The following DENND1A variants were observed in gnomAD, a reference collection of about 807,000 sequenced individuals.
The protein encoded by DENND1A is DENN domain containing 1A.
Under a neutral mutation model 113.7 loss-of-function variants are expected in DENND1A, and 51 were observed. The observed-to-expected ratio is 0.45, with a 90% CI of 0.36 to 0.57. The LOEUF (loss-of-function observed/expected upper bound fraction) is 0.57. Among genes scored for constraint, DENND1A ranks in the 20% least tolerant of loss-of-function variants. The pLI, the probability that DENND1A is intolerant of heterozygous loss-of-function variation, is 0.00. For missense variants in DENND1A, 1,258 were observed against 1,395.9 expected (o/e 0.90, Z 1.57); for synonymous variants, 565 against 570.8 (o/e 0.99, Z 0.14).
intron 13 of DENND1A, among the ~76,000 whole-genome samples, chr9:123,539,711 A>C (rs551849023): frequency 1.3e-3 from 204 of 152,120 alleles, no homozygotes; most frequent in African/African-American, 4.6e-3. Context: ...GTGAAACCCC[A>C]TCTCCACTAA....
chr9:123,731,719 GTTATGATT>G (rs1564157031), intron 5 of DENND1A, among the ~76,000 whole-genome samples: 1 of 152,158 alleles, frequency 6.6e-6, no homozygotes, highest in Non-Finnish European at 1.5e-5. Flanking sequence ...AGATTGATGT[GTTATGATT>G]TTATCAAAAT....
chr9:123,767,452 G>A (rs1399258336), intron 4 of DENND1A, among the ~76,000 whole-genome samples: 1 of 151,892 alleles, frequency 6.6e-6, no homozygotes, highest in Non-Finnish European at 1.5e-5. Flanking sequence ...ATAATTTGGA[G>A]AGAAGGATTC....
At chr9:123,425,641 T>G (rs1219108087) in intron 19 of DENND1A, among the ~76,000 whole-genome samples, 1 of 152,250 alleles carries the variant, frequency 6.6e-6, no homozygotes. Flanking sequence ...GGGCAGCTCG[T>G]CTGTGCCAGG....
At chr9:123,770,628 C>T (rs1829575966) in intron 3 of DENND1A, among the ~76,000 whole-genome samples, 1 of 152,264 alleles carries the variant, frequency 6.6e-6, no homozygotes, top group Admixed American at 6.5e-5. Context: ...AAAAGTATTC[C>T]TTTCATGCAC....
At chr9:123,751,283 A>T (rs2070001573) in intron 5 of DENND1A, 1 of 152,172 alleles carries the variant, frequency 6.6e-6, no homozygotes, top group Non-Finnish European at 1.5e-5. Context: ...CAGTCTTGAG[A>T]TCAGAAAGTG....
At chr9:123,891,111 T>G (rs1849837109) in intron 1 of DENND1A, among the ~76,000 whole-genome samples, 1 of 152,310 alleles carries the variant, frequency 6.6e-6, no homozygotes, top group South Asian at 2.1e-4. Flanking sequence ...CCTTGAGTAG[T>G]CCTTTGAGCC....
intron 5 of DENND1A, among the ~76,000 whole-genome samples, chr9:123,711,503 ATGTATATATG>A (rs2066604003): frequency 1.4e-5 from 1 of 72,314 alleles, no homozygotes; most frequent in African/African-American, 8.9e-5. Context: ...ATATATATAT[ATGTATATATG>A]TATATATATA....
At chr9:123,818,567 C>CATATATATAT (rs148656992) in intron 2 of DENND1A, among the ~76,000 whole-genome samples, 3 of 41,982 alleles carry the variant, frequency 7.1e-5, no homozygotes, top group African/African-American at 1.4e-4. Context: ...CACACACACA[C>CATATATATAT]ATATATATAT....
At chr9:123,667,654 G>T (rs1208908059) in intron 7 of DENND1A, among the ~76,000 whole-genome samples, 1 of 152,090 alleles carries the variant, frequency 6.6e-6, no homozygotes, top group Non-Finnish European at 1.5e-5. Context: ...AAGTTAAATG[G>T]CTAAACACAT....
In DENND1A at chr9:123,457,328, GA is replaced by G; in HGVS notation, c.1186+19del. On this transcript the variant is annotated intron_variant, in intron 15 of 23. Coordinates refer to ENST00000394215, the MANE Select transcript of DENND1A (RefSeq NM_001352964.2). ...TGATAGCAGCCTGCAGCCCCGGAAG[GA>G]AAATGAGTTGCTTCTCACCAGCGTA... The G allele has an allele frequency of 6.2e-7, 1 of 1,601,600 alleles. No individual in the cohort carries two copies. Among genetic ancestry groups the G allele is most frequent in the Non-Finnish European group, 8.6e-7 (1 of 1,168,626 alleles).
At chr9:123,912,312 G>T (rs980303767) in intron 1 of DENND1A, among the ~76,000 whole-genome samples, 1 of 152,124 alleles carries the variant, frequency 6.6e-6, no homozygotes, top group African/African-American at 2.4e-5. Flanking sequence ...GTGACCTCAG[G>T]ACCCAAGGAG....
intron 1 of DENND1A, among the ~76,000 whole-genome samples, chr9:123,883,255 A>G (rs1225033866): frequency 6.6e-6 from 1 of 152,160 alleles, no homozygotes; most frequent in Admixed American, 6.5e-5. Context: ...GCTGCTGGAG[A>G]GCAGGGATCT....
intron 5 of DENND1A, among the ~76,000 whole-genome samples, chr9:123,715,775 C>T (rs542913467): frequency 6.6e-6 from 1 of 152,178 alleles, no homozygotes; most frequent in East Asian, 1.9e-4. Context: ...AGCCTTGACT[C>T]CAGTGATCCT....
chr9:123,685,046 GTTAC>G (rs1215596028), intron 5 of DENND1A, among the ~76,000 whole-genome samples: 1 of 152,200 alleles, frequency 6.6e-6, no homozygotes, highest in African/African-American at 2.4e-5. Context: ...TACCAGCTCT[GTTAC>G]TTACTGGCTG....
At chr9:123,822,173 C>T (rs529577063) in intron 2 of DENND1A, among the ~76,000 whole-genome samples, 5 of 152,204 alleles carry the variant, frequency 3.3e-5, no homozygotes, top group Non-Finnish European at 1.5e-5. Flanking sequence ...GGCTTTCTAT[C>T]AAACTGATAA....
intron 1 of DENND1A, among the ~76,000 whole-genome samples, chr9:123,919,835 T>C (rs615515): frequency 0.086 from 12,712 of 148,176 alleles, 924 homozygotes; most frequent in African/African-American, 0.2. Context: ...CGTGCCGAGA[T>C]TGCATCACTG....
chr9:123,827,442 G>T (rs952997555), intron 2 of DENND1A, among the ~76,000 whole-genome samples: 1 of 150,126 alleles, frequency 6.7e-6, no homozygotes, highest in Admixed American at 6.6e-5. Context: ...CTGACCCTGG[G>T]AGGTCGAGGC....
chr9:123,532,893 A>C (rs2055440873), intron 13 of DENND1A, among the ~76,000 whole-genome samples: 1 of 152,222 alleles, frequency 6.6e-6, no homozygotes, highest in Non-Finnish European at 1.5e-5. Context: ...GAAACTAATA[A>C]GGCTGCAGGC....
chr9:123,908,758 A>G (rs900343757), intron 1 of DENND1A, among the ~76,000 whole-genome samples: 20 of 152,170 alleles, frequency 1.3e-4, no homozygotes, highest in Non-Finnish European at 2.1e-4. Flanking sequence ...TGGGACTGTA[A>G]ACTAGTTCAA....
Sources: allele counts gnomAD v4.1 joint callset (sites outside exome capture counted in the v4.1 genomes callset), GRCh38; gene constraint gnomAD v4.1.1; transcripts MANE v1.5; gene names NCBI Gene and HGNC (gene_info 2026-07-23, HGNC 2026-07-21).